Variants in NDUFA10 observed in about 807,000 individuals in gnomAD.
The protein encoded by NDUFA10 is NADH:ubiquinone oxidoreductase subunit A10, also known as NADH dehydrogenase [ubiquinone] 1 alpha subcomplex subunit 10, mitochondrial.
In NDUFA10, 40 loss-of-function variants were observed where a neutral mutation model predicts 47.8. The observed-to-expected ratio is 0.84, with a 90% CI of 0.65 to 1.09. The LOEUF is 1.09. Ranked by LOEUF, NDUFA10 falls within the 50% of genes least tolerant of loss-of-function variation. The probability of loss-of-function intolerance (pLI) is 0.00; values close to 1 mark genes in which losing one functional copy is unlikely to be tolerated. For missense variants in NDUFA10, 413 were observed against 451.1 expected (o/e 0.92, Z 0.76); for synonymous variants, 183 against 172.2 (o/e 1.06, Z -0.49).
chr2:239,967,157 C>T (rs4461287), intron 9 of NDUFA10, among the ~76,000 whole-genome samples: 69,824 of 152,094 alleles, frequency 0.46, 16,350 homozygotes, highest in African/African-American at 0.53. Context: ...TAGATGCTGA[C>T]GCAGCCATCG....
Position 239,959,546 on chromosome 2 carries a change from C to T in NDUFA10, c.*1572G>A. ...AAGCTGTTGGTTTCCTAGTGAAATG[C>T]AAAACTTCAGCCACTTAAATCTCGA... On this transcript the variant is annotated 3_prime_UTR_variant, in exon 10 of 10. Transcript: ENST00000252711. The T allele has an allele frequency of 1.0e-6, 1 of 985,460 alleles. No homozygotes were observed. The highest frequency in any genetic ancestry group is 1.2e-6 in the Non-Finnish European group (1 of 829,964). The allele number at this position is 985,460 out of a possible 1,614,324, so 61.0% of individuals were successfully genotyped here.
intron 4 of NDUFA10, among the ~76,000 whole-genome samples, chr2:239,916,588 A>G (rs1240643428): frequency 2.0e-5 from 3 of 152,236 alleles, no homozygotes; most frequent in Non-Finnish European, 4.4e-5. Flanking sequence ...ACAAAATACC[A>G]ACGCTGCACA....
intron 4 of NDUFA10, among the ~76,000 whole-genome samples, chr2:239,939,507 C>CT (rs1441578317): frequency 1.3e-5 from 2 of 152,234 alleles, no homozygotes; most frequent in Non-Finnish European, 2.9e-5. Context: ...TTTTGCCACA[C>CT]TTTTTGTTTG....
In NDUFA10 at chr2:239,945,264, C is replaced by A. The variant is rs772325451; in HGVS notation, c.294+44810G>T. 9.9e-4 allele frequency among the ~76,000 whole-genome samples: 151 copies of A among 152,226 alleles called. No homozygotes were observed. Among genetic ancestry groups the A allele is most frequent in the Non-Finnish European group, 1.9e-3 (129 of 68,040 alleles). On this transcript the variant is annotated intron_variant, in intron 4 of 5. Transcript: ENST00000419408. The surrounding 1 kb of genome is among the most constrained non-coding windows in gnomAD (Gnocchi z 4.6). ...ACGCTGGGCTCCTTCATTTGCACAA[C>A]CGCAGCGGCAGCGCCATCATTCCTC... is the stretch of plus-strand genomic sequence containing the variant.
At chr2:239,920,704 G>C (rs1693957445) in intron 4 of NDUFA10, among the ~76,000 whole-genome samples, 1 of 152,220 alleles carries the variant, frequency 6.6e-6, no homozygotes, top group South Asian at 2.1e-4. Flanking sequence ...TTTAAGGGAG[G>C]GGCTCCCAGG....
chr2:239,901,994 G>A (rs917704842), intron 4 of NDUFA10, among the ~76,000 whole-genome samples: 18 of 152,220 alleles, frequency 1.2e-4, no homozygotes, highest in African/African-American at 3.9e-4. Flanking sequence ...GTGGATGAGC[G>A]GAGAAAGTGG....
At chr2:239,969,028 G>C (rs1244504327) in intron 9 of NDUFA10, among the ~76,000 whole-genome samples, 1 of 152,200 alleles carries the variant, frequency 6.6e-6, no homozygotes, top group East Asian at 1.9e-4. Context: ...CAGAAAAAAA[G>C]TTCTAACACA....
chr2:239,982,175 C>T, intron 9 of NDUFA10: 1 of 1,612,880 alleles, frequency 6.2e-7, no homozygotes, highest in Non-Finnish European at 8.5e-7. Flanking sequence ...CTTCAGGACC[C>T]TCTCTTGTAC....
At chr2:239,912,486 G>A (rs370429776) in intron 4 of NDUFA10, among the ~76,000 whole-genome samples, 15 of 152,378 alleles carry the variant, frequency 9.8e-5, no homozygotes, top group Admixed American at 7.8e-4. Flanking sequence ...GGAGCCAGGC[G>A]AGAGTAGCTG....
intron 8 of NDUFA10, among the ~76,000 whole-genome samples, chr2:239,997,510 T>C (rs1279081005): frequency 2.0e-5 from 3 of 152,242 alleles, no homozygotes; most frequent in Non-Finnish European, 4.4e-5. Context: ...CAGGTCCAAG[T>C]ATGAATACTG....
chr2:239,967,977 T>TAC (rs1380084722), intron 9 of NDUFA10, among the ~76,000 whole-genome samples: 2,028 of 139,608 alleles, frequency 0.015, 17 homozygotes, highest in South Asian at 0.047. Flanking sequence ...AGGAAAAAAA[T>TAC]ATACACACAC....
intron 4 of NDUFA10, among the ~76,000 whole-genome samples, chr2:239,908,256 G>A (rs1693691124): frequency 6.6e-6 from 1 of 152,140 alleles, no homozygotes; most frequent in South Asian, 2.1e-4. Context: ...GTGGGGTGGG[G>A]GGAGAGGGGA....
chr2:239,926,069 G>A (rs1694060330), intron 4 of NDUFA10, among the ~76,000 whole-genome samples: 1 of 152,076 alleles, frequency 6.6e-6, no homozygotes, highest in Non-Finnish European at 1.5e-5. Context: ...CCCCACTCTG[G>A]GAAACATTTT....
At position 240,001,860 on chromosome 2, in the gene NDUFA10, T is replaced by C. The variant is rs1696735396; in HGVS notation, c.890+3350A>G. Among the ~76,000 whole-genome samples the C allele has an allele frequency of 2.0e-5, 3 of 152,324 alleles. No individual in the cohort carries two copies. In the South Asian group the frequency reaches 6.2e-4, roughly 32 times the overall value. ...ATTCAGACACCTCAGAGGACCCCTC[T>C]AATTTCTGGTCGGTCGCCCTGTCAA... On this transcript the variant is annotated intron_variant, in intron 8 of 9. Transcript: ENST00000252711.
At chr2:239,956,835 T>C (rs1694666229), downstream of NDUFA10, among the ~76,000 whole-genome samples, 1 of 152,194 alleles carries the variant, frequency 6.6e-6, no homozygotes, top group Admixed American at 6.5e-5. Flanking sequence ...CTGCTTGTTT[T>C]TTCCTTAATT....
chr2:239,997,614 A>C (rs1696535785), intron 8 of NDUFA10, among the ~76,000 whole-genome samples: 1 of 152,210 alleles, frequency 6.6e-6, no homozygotes, highest in African/African-American at 2.4e-5. Context: ...AGTAACCTGA[A>C]ATTGAACAAG....
At chr2:239,985,375 A>G (rs559604628) in intron 9 of NDUFA10, among the ~76,000 whole-genome samples, 12 of 152,302 alleles carry the variant, frequency 7.9e-5, no homozygotes, top group African/African-American at 2.2e-4. Flanking sequence ...AAACTCAAAT[A>G]TAAGAAATAC....
intron 2 of NDUFA10, 75 bp downstream of exon 2, chr2:240,022,097 T>C (rs1161902138): frequency 6.0e-6 from 8 of 1,327,090 alleles, no homozygotes; most frequent in African/African-American, 1.5e-5. Context: ...AATATTAATA[T>C]TGAAGAAAAA....
chr2:239,909,447 C>T (rs1423466535), intron 4 of NDUFA10, among the ~76,000 whole-genome samples: 1 of 152,084 alleles, frequency 6.6e-6, no homozygotes, highest in Non-Finnish European at 1.5e-5. Context: ...CCCGTCTCTA[C>T]TAAACATACA....
Sources: gnomAD v4.1 joint callset for allele counts (sites outside exome capture counted in the v4.1 genomes callset) on GRCh38, gnomAD v4.1.1 for gene constraint, Gnocchi (gnomAD v3.1) non-coding constraint, MANE v1.5 for transcripts, NCBI Gene and HGNC (gene_info 2026-07-23, HGNC 2026-07-21) for gene names.